DAP3: variants seen among roughly 807,000 people sequenced by gnomAD.
The protein encoded by DAP3 is small ribosomal subunit protein mS29.
A neutral mutation model predicts 51.9 loss-of-function variants in DAP3; 28 were observed. The ratio of observed to expected loss-of-function variants is 0.54; its 90% CI spans 0.40 to 0.74. DAP3 has a LOEUF of 0.74. DAP3 is among the 30% of genes least tolerant of loss of function. DAP3 has a pLI of 0.00. For missense variants in DAP3, 458 were observed against 483.5 expected (o/e 0.95, Z 0.49); for synonymous variants, 170 against 170.3 (o/e 1.00, Z 0.01).
upstream of DAP3, chr1:155,688,808 C>T: frequency 6.4e-7 from 1 of 1,558,192 alleles, no homozygotes; most frequent in South Asian, 1.2e-5. Flanking sequence ...CAGTCCCCAC[C>T]GCGGGACTGT....
Position 155,729,338 on chromosome 1 carries a change from C to T in DAP3, c.815C>T (p.Thr272Ile). 10 of 1,614,098 alleles carry T rather than the reference C, an allele frequency of 6.2e-6. No individual in the cohort carries two copies. Among genetic ancestry groups the T allele is most frequent in the Non-Finnish European group, 8.5e-6 (10 of 1,180,024 alleles). ...GGAATCAATGCTCTTTGGGGAAGAA[C>T]CACTCTGAAAAGAGAAGATAAAAGC... ...VDGINALWGRTTLKREDKSPI... is the reference protein window; with the variant it reads ...VDGINALWGRITLKREDKSPI... The change falls in exon 9 of 13, where the codon ACC becomes ATC. Residue 272 changes from threonine (T) to isoleucine (I), a missense_variant. Transcript: ENST00000368336.
Position 155,727,608 on chromosome 1 carries a change from C to G in DAP3, c.473C>G (p.Ala158Gly), listed in dbSNP as rs768367176. 4 of 1,607,310 alleles carry G rather than the reference C, an allele frequency of 2.5e-6. No homozygotes were observed. Among genetic ancestry groups the G allele is most frequent in the Non-Finnish European group, 3.4e-6 (4 of 1,177,476 alleles). ...TTTCTTCTGCCTCTTTTTTTTAAAGCTCATCTTTGGGTGAAAAATTGTCGG... is the reference window on the plus strand; with the variant it reads ...TTTCTTCTGCCTCTTTTTTTTAAAGGTCATCTTTGGGTGAAAAATTGTCGG... ...QDWLILHIPD[A>G]HLWVKNCRDL... Residue 158 changes from alanine to glycine, a missense_variant and splice_region_variant, in exon 7 of 13, where the codon GCT (alanine) becomes GGT (glycine). Physicochemically the swap from Ala to Gly is moderately conservative, Grantham distance 60. Coordinates refer to ENST00000368336, the MANE Select transcript of DAP3 (RefSeq NM_004632.4).
intron 1 of DAP3, among the ~76,000 whole-genome samples, chr1:155,708,814 C>T (rs1026273043): frequency 7.3e-5 from 11 of 151,364 alleles, no homozygotes; most frequent in Admixed American, 2.6e-4. Context: ...ATGCCATTCT[C>T]CTGCCTCAGC....
intron 1 of DAP3, among the ~76,000 whole-genome samples, chr1:155,705,189 G>A (rs2149134609): frequency 6.6e-6 from 1 of 152,192 alleles, no homozygotes; most frequent in East Asian, 1.9e-4. Flanking sequence ...GGGAGGCTGA[G>A]GTGGGAAGAT....
intron 1 of DAP3, among the ~76,000 whole-genome samples, chr1:155,705,957 T>G (rs1655915035): frequency 6.6e-6 from 1 of 152,122 alleles, no homozygotes; most frequent in African/African-American, 2.4e-5. Context: ...CATCTCGGCC[T>G]CCCAAAATAC....
At chr1:155,733,396 T>C (rs1008841980) in intron 11 of DAP3, among the ~76,000 whole-genome samples, 7 of 152,264 alleles carry the variant, frequency 4.6e-5, no homozygotes, top group African/African-American at 1.7e-4. Context: ...AACTTCCACC[T>C]ACTGGTTTTA....
chr1:155,701,841 C>G lies in DAP3; in HGVS notation c.-7-7932C>G, dbSNP rs547025060. 1.4e-3 allele frequency among the ~76,000 whole-genome samples: 205 copies of G among 151,672 alleles called. 1 individual carries two copies. Among genetic ancestry groups the G allele is most frequent in the African/African-American group, 4.7e-3 (196 of 41,264 alleles). On this transcript the variant is annotated intron_variant, in intron 1 of 12. Transcript: ENST00000368336. Reference sequence around the variant, plus strand: ...ACTGGATCCTTGTGTTTTCACAACCCTTAAGGTTAGAGCCAACTTTCAAAA... The same window carrying G: ...ACTGGATCCTTGTGTTTTCACAACCGTTAAGGTTAGAGCCAACTTTCAAAA...
Position 155,732,025 on chromosome 1 carries a change from C to T in DAP3, c.985C>T (p.Leu329=). ...PRKAYLPQEL[L]GKEGFDALDP... Reference sequence around the variant, plus strand: ...GAAAGCCTATCTGCCCCAGGAGTTGCTGGGAAAGGTCAAGTCAAAGGAAAA... The same window carrying T: ...GAAAGCCTATCTGCCCCAGGAGTTGTTGGGAAAGGTCAAGTCAAAGGAAAA... Residue 329 remains leucine, a synonymous_variant, in exon 11 of 13, where the codon CTG becomes TTG. Coordinates refer to ENST00000368336, the MANE Select transcript of DAP3 (RefSeq NM_004632.4). The T allele has an allele frequency of 6.2e-7, 1 of 1,610,068 alleles. No individual in the cohort carries two copies. The highest frequency in any genetic ancestry group is 8.5e-7 in the Non-Finnish European group (1 of 1,178,054).
intron 12 of DAP3, among the ~76,000 whole-genome samples, chr1:155,737,300 A>AC (rs1343742776): frequency 6.6e-6 from 1 of 152,070 alleles, no homozygotes; most frequent in African/African-American, 2.4e-5. Flanking sequence ...AACAAAGGCA[A>AC]CTCCATCCAC....
At chr1:155,723,607 G>A (rs1242292354) in intron 4 of DAP3, among the ~76,000 whole-genome samples, 1 of 152,102 alleles carries the variant, frequency 6.6e-6, no homozygotes, top group Non-Finnish European at 1.5e-5. Flanking sequence ...GGGATTACAG[G>A]GATGAGCCAC....
At chr1:155,703,062 A>T (rs1655511981) in intron 1 of DAP3, among the ~76,000 whole-genome samples, 1 of 152,216 alleles carries the variant, frequency 6.6e-6, no homozygotes, top group Non-Finnish European at 1.5e-5. Context: ...TTTTGTAGTA[A>T]GTGTTGGAAT....
rs1271185515 is a variant in DAP3, at chr1:155,690,737, A to G, written c.-8+1563A>G. Reference sequence around the variant, plus strand: ...ACCTTTGCAACTCTTCTGTAAATTTACACTTTTTTTTGTTTGTTTGCTTTG... The same window carrying G: ...ACCTTTGCAACTCTTCTGTAAATTTGCACTTTTTTTTGTTTGTTTGCTTTG... On this transcript the variant is annotated intron_variant, in intron 1 of 12. Transcript: ENST00000368336. Among the ~76,000 whole-genome samples the G allele has an allele frequency of 3.5e-5, 5 of 141,736 alleles. 1 individual carries two copies. The highest frequency in any genetic ancestry group is 6.4e-5 in the African/African-American group (2 of 31,258). 93.0% of individuals were successfully genotyped at this position (141,736 alleles called of 152,430 possible).
At chr1:155,699,963 A>C (rs768593924) in intron 1 of DAP3, among the ~76,000 whole-genome samples, 100 of 148,062 alleles carry the variant, frequency 6.8e-4, no homozygotes, top group Non-Finnish European at 1.0e-3. Context: ...TTTGAGATGG[A>C]GTCTCGCTCT....
intron 2 of DAP3, among the ~76,000 whole-genome samples, chr1:155,715,608 G>A (rs1257796807): frequency 2.6e-5 from 4 of 152,096 alleles, no homozygotes; most frequent in African/African-American, 7.2e-5. Context: ...TATTTATTAA[G>A]CAACTCCCTT....
chr1:155,711,480 G>A (rs775278856), intron 2 of DAP3, among the ~76,000 whole-genome samples: 3 of 151,442 alleles, frequency 2.0e-5, no homozygotes, highest in Non-Finnish European at 2.9e-5. Flanking sequence ...GCAATAGAGC[G>A]AGACTCCATC....
chr1:155,702,742 T>C (rs1431599067), intron 1 of DAP3, among the ~76,000 whole-genome samples: 1 of 151,848 alleles, frequency 6.6e-6, no homozygotes, highest in East Asian at 1.9e-4. Context: ...AGGCTGAGGC[T>C]GGTGGATCAT....
At chr1:155,711,882 T>C (rs1656761873) in intron 2 of DAP3, among the ~76,000 whole-genome samples, 1 of 151,264 alleles carries the variant, frequency 6.6e-6, no homozygotes, top group Non-Finnish European at 1.5e-5. Context: ...GCTGAAGAAC[T>C]TGGAGTCCAG....
intron 1 of DAP3, among the ~76,000 whole-genome samples, chr1:155,696,072 A>T (rs1416376353): frequency 3.9e-5 from 6 of 152,212 alleles, no homozygotes; most frequent in African/African-American, 7.2e-5. Context: ...TCAGTGCCAT[A>T]AAGTTTAACA....
intron 9 of DAP3, among the ~76,000 whole-genome samples, chr1:155,729,748 CACACCAACCTGGGTG>C (rs899431679): frequency 3.9e-5 from 6 of 152,030 alleles, no homozygotes; most frequent in African/African-American, 1.2e-4. Flanking sequence ...TGCAACACTG[CACACCAACCTGGGTG>C]ACAGAGTGAA....
Sources: gnomAD v4.1 joint callset for allele counts (sites outside exome capture counted in the v4.1 genomes callset) on GRCh38, gnomAD v4.1.1 for gene constraint, MANE v1.5 for transcripts, NCBI Gene and HGNC (gene_info 2026-07-23, HGNC 2026-07-21) for gene names.